RYR1: variants seen among roughly 807,000 people sequenced by gnomAD.
RYR1 encodes central core disease of muscle.
A neutral mutation model predicts 583.5 loss-of-function variants in RYR1; 342 were observed. The ratio of observed to expected loss-of-function variants is 0.59; its 90% confidence interval spans 0.54 to 0.64. RYR1 has a LOEUF of 0.64. Among genes scored for constraint, RYR1 ranks in the 30% least tolerant of loss-of-function variants. The pLI, the probability that RYR1 is intolerant of heterozygous loss-of-function variation, is 0.00. For missense variants in RYR1, 6,032 were observed against 6,917.2 expected, an observed-to-expected ratio of 0.87 and a Z score of 4.54; for synonymous variants, 2,791 against 2,822.5, an observed-to-expected ratio of 0.99 and a Z score of 0.35.
At chr19:38,574,760 G>T (rs562980307) in intron 96 of RYR1, among the ~76,000 whole-genome samples, 12 of 152,032 alleles carry the variant, frequency 7.9e-5, no homozygotes, top group Non-Finnish European at 1.5e-4. Context: ...TCGTGGCTGG[G>T]CACAGTGGCT....
chr19:38,442,070 G>C (rs1972713522), intron 2 of RYR1, among the ~76,000 whole-genome samples: 3 of 151,892 alleles, frequency 2.0e-5, no homozygotes, highest in Admixed American at 2.0e-4. Context: ...GTGGAACACG[G>C]GTTAGTGGGG....
chr19:38,489,359 A>G lies in RYR1; in HGVS notation c.5730A>G (p.Glu1910=). Residue 1910 remains glutamate, a synonymous_variant, in exon 35 of 106, where the codon GAA becomes GAG. Transcript: ENST00000359596. ...AQEKEDEEKE[E]EEAAEGEKEE... The stretch of plus-strand genomic sequence containing the variant: ...AAAAGGAAGATGAGGAAAAAGAGGA[A>G]GAGGAGGCAGCAGAAGGGGAGAAAG... 6.2e-7 allele frequency: 1 copy of G among 1,612,710 alleles called. No homozygotes were observed.
intron 75 of RYR1, 45 bp downstream of exon 75, chr19:38,528,740 G>T: frequency 6.3e-7 from 1 of 1,599,888 alleles, no homozygotes; most frequent in Non-Finnish European, 8.6e-7. Context: ...AGCTGGATAG[G>T]GCTGGGGCGG....
intron 93 of RYR1, 42 bp downstream of exon 93, chr19:38,567,959 G>T: frequency 6.2e-7 from 1 of 1,608,750 alleles, no homozygotes; most frequent in Non-Finnish European, 8.5e-7. Context: ...TTCTCCCCGG[G>T]AGCCCCACCT....
intron 84 of RYR1, among the ~76,000 whole-genome samples, chr19:38,539,645 T>A (rs1224906857): frequency 6.6e-6 from 1 of 152,206 alleles, no homozygotes; most frequent in East Asian, 1.9e-4. Context: ...GAGAATGTTG[T>A]TATGAAAGGG....
intron 96 of RYR1, among the ~76,000 whole-genome samples, chr19:38,573,926 C>G (rs2145876062): frequency 6.6e-6 from 1 of 152,010 alleles, no homozygotes; most frequent in South Asian, 2.1e-4. Flanking sequence ...GTGATTCTTA[C>G]TCAGGTGCAA....
intron 71 of RYR1, among the ~76,000 whole-genome samples, chr19:38,525,717 C>T (rs950195835): frequency 6.6e-6 from 1 of 151,914 alleles, no homozygotes; most frequent in Non-Finnish European, 1.5e-5. Context: ...GCCAGGGCAC[C>T]ACAGACCTAA....
At chr19:38,464,550 AG>A in intron 22 of RYR1, 88 bp from the exon 23 acceptor site, 1 of 1,069,402 alleles carries the variant, frequency 9.4e-7, no homozygotes, top group Non-Finnish European at 1.4e-6. Context: ...GCAGAGGTAG[AG>A]GGAGCTGGAG....
At position 38,448,631 on chromosome 19, in the gene RYR1, T is replaced by C. The variant is rs1477076953; in HGVS notation, c.958-18T>C. On this transcript the variant is annotated intron_variant, in intron 10 of 105. Coordinates refer to ENST00000359596, the MANE Select transcript of RYR1 (RefSeq NM_000540.3). The stretch of plus-strand genomic sequence containing the variant: ...CACACAGGCAGAGGAGGCTGACCTG[T>C]GTCCCCTGCCCCTGTAGGAGAAGCT... 1.2e-6 allele frequency: 2 copies of C among 1,614,056 alleles called. No individual in the cohort carries two copies. Among genetic ancestry groups the C allele is most frequent in the Non-Finnish European group, 1.7e-6 (2 of 1,180,024 alleles).
At chr19:38,501,378 A>C (rs539223580) in intron 47 of RYR1, among the ~76,000 whole-genome samples, 22 of 152,154 alleles carry the variant, frequency 1.4e-4, no homozygotes, top group Non-Finnish European at 2.5e-4. Flanking sequence ...CACACTTGTA[A>C]TCCCAGCTAC....
Position 38,561,556 on chromosome 19 carries a change from G to T in RYR1, c.12624+102G>T, listed in dbSNP as rs1281284389. On this transcript the variant is annotated intron_variant, in intron 90 of 105. Transcript: ENST00000359596. This position sits in a 1 kb window ranked among gnomAD's most constrained non-coding sequence, Gnocchi z 4.8. ...ACCCCACGGGGGCTGTGCGTGCCTC[G>T]CATATCTGCCCTGCTCCGGCAAGCC... 1.1e-5 allele frequency: 13 copies of T among 1,148,212 alleles called. No individual in the cohort carries two copies. In the South Asian group the frequency reaches 1.9e-4, roughly 17 times the overall value. 71.1% of individuals were successfully genotyped at this position (1,148,212 alleles called of 1,614,324 possible). A position where few individuals can be genotyped will look rare whatever the true frequency, so the allele number is the denominator to read the frequency against.
In RYR1 at chr19:38,468,980, C is replaced by G. The variant is rs572636254; in HGVS notation, c.3396C>G (p.His1132Gln). 1.9e-6 allele frequency: 3 copies of G among 1,614,154 alleles called. No homozygotes were observed. The highest frequency in any genetic ancestry group is 2.7e-5 in the African/African-American group (2 of 75,036). Reference sequence around the variant, plus strand: ...TGTCCTCACAGGGCCAGCGCTGGCACTTGGGCAGTGAACCATTTGGGCGCC... The same window carrying G: ...TGTCCTCACAGGGCCAGCGCTGGCAGTTGGGCAGTGAACCATTTGGGCGCC... ...VFNGHRGQRW[H>Q]LGSEPFGRPW... Residue 1132 changes from histidine to glutamine, a missense_variant, in exon 26 of 106, where the codon CAC (histidine) becomes CAG (glutamine). This residue lies in a region of RYR1 where 2,627 missense variants were observed against 2,961.3 expected (regional missense o/e 0.89). Coordinates refer to ENST00000359596, the MANE Select transcript of RYR1 (RefSeq NM_000540.3).
In RYR1 at chr19:38,475,571, T is replaced by C. The variant is rs56942001; in HGVS notation, c.4293+121T>C. The C allele has an allele frequency of 8.4e-3, 10,212 of 1,217,284 alleles. 585 individuals are homozygous for C. In the African/African-American group the frequency reaches 0.13, roughly 15 times the overall value. 75.4% of individuals were successfully genotyped at this position (1,217,284 alleles called of 1,614,324 possible). On this transcript the variant is annotated intron_variant, in intron 29 of 105. Coordinates refer to ENST00000359596, the MANE Select transcript of RYR1 (RefSeq NM_000540.3). ...ACCTTACACTGGGGACTCCCCAATA[T>C]ACACTAGAAACTCATAAAATATGGC...
chr19:38,509,833 T>TTC (rs1294117207), intron 58 of RYR1, among the ~76,000 whole-genome samples: 1 of 152,248 alleles, frequency 6.6e-6, no homozygotes, highest in East Asian at 1.9e-4. Context: ...ATTTTGAAAT[T>TTC]AACTCTAATT....
chr19:38,434,916 G>A (rs543478263), intron 1 of RYR1, among the ~76,000 whole-genome samples: 26 of 152,282 alleles, frequency 1.7e-4, no homozygotes, highest in Admixed American at 3.3e-4. Flanking sequence ...AGCCGGGTCC[G>A]GTTTCCTGGG....
At chr19:38,493,453 A>G (rs1300289875) in intron 38 of RYR1, among the ~76,000 whole-genome samples, 1 of 151,896 alleles carries the variant, frequency 6.6e-6, no homozygotes, top group African/African-American at 2.4e-5. Flanking sequence ...GCTGGGAAAT[A>G]CAGCCGAGGG....
chr19:38,473,313 G>A, intron 27 of RYR1, 64 bp from the exon 28 acceptor site: 2 of 1,596,734 alleles, frequency 1.3e-6, no homozygotes, highest in Non-Finnish European at 1.7e-6. Flanking sequence ...GTGACCAGGT[G>A]TAGGACCAAC....
chr19:38,449,884 G>A (rs551910166), intron 11 of RYR1, among the ~76,000 whole-genome samples: 147 of 152,300 alleles, frequency 9.7e-4, no homozygotes, highest in Non-Finnish European at 1.8e-3. Flanking sequence ...GAGAGGTCTA[G>A]TTTTGTTTGT....
chr19:38,458,334 A>AC (rs1967535507), intron 18 of RYR1, 42 bp downstream of exon 18: 1 of 1,589,780 alleles, frequency 6.3e-7, no homozygotes, highest in Non-Finnish European at 8.6e-7. Context: ...CTGACCATTG[A>AC]CCCCAGCATT....
Sources: gnomAD v4.1 joint callset for allele counts (sites outside exome capture counted in the v4.1 genomes callset) on GRCh38, gnomAD v4.1.1 for gene constraint, gnomAD v4.1.1 regional missense constraint, Gnocchi (gnomAD v3.1) non-coding constraint, MANE v1.5 for transcripts, NCBI Gene and HGNC (gene_info 2026-07-23, HGNC 2026-07-21) for gene names.